STAT1: variants seen among roughly 807,000 people sequenced by gnomAD.
The protein encoded by STAT1 is signal transducer and activator of transcription 1-alpha/beta.
A neutral mutation model predicts 111.7 loss-of-function variants in STAT1; 24 were observed. The observed-to-expected ratio is 0.21, with a 90% CI of 0.16 to 0.30. STAT1 has a LOEUF of 0.30. Among genes scored for constraint, STAT1 ranks in the 10% least tolerant of loss-of-function variants. The pLI is 1.00. For synonymous variants in STAT1, 332 were observed against 326.5 expected, an observed-to-expected ratio of 1.02 and a Z score of -0.18; for missense variants, 351 against 911.9, an observed-to-expected ratio of 0.38 and a Z score of 7.92.
At chr2:191,011,295 C>T (rs1345691844) in intron 2 of STAT1, among the ~76,000 whole-genome samples, 2 of 152,128 alleles carry the variant, frequency 1.3e-5, no homozygotes, top group African/African-American at 4.8e-5. Flanking sequence ...TGTCTCCCTC[C>T]CTGCTTGGTA....
intron 10 of STAT1, among the ~76,000 whole-genome samples, chr2:190,994,023 T>C (rs762448486): frequency 5.3e-5 from 8 of 151,618 alleles, no homozygotes; most frequent in Non-Finnish European, 7.4e-5. Flanking sequence ...GAACGAAGGG[T>C]GACTGTAGGC....
Position 190,981,436 on chromosome 2 carries a change from T to C in STAT1, c.1583-767A>G, listed in dbSNP as rs1185438343. ...AGCCCGGGGTTATTAGCTACACAAATTAAAGCAGCCTGGGCGAGAAGAGGC... is the reference window on the plus strand; with the variant it reads ...AGCCCGGGGTTATTAGCTACACAAACTAAAGCAGCCTGGGCGAGAAGAGGC... On this transcript the variant is annotated intron_variant, in intron 18 of 24. Transcript: ENST00000361099. The surrounding 1 kb of genome is among the most constrained non-coding windows in gnomAD (Gnocchi z 4.1). Among the ~76,000 whole-genome samples, 1 of 152,184 alleles carries C rather than the reference T, an allele frequency of 6.6e-6. No individual in the cohort carries two copies. The highest frequency in any genetic ancestry group is 1.5e-5 in the Non-Finnish European group (1 of 68,034).
In STAT1 at chr2:190,995,366, ATTGACAC is replaced by A; in HGVS notation, c.786-154_786-148del. ...AGAATTTATAAAGGAAAGAGGTTTA[ATTGACAC>A]ATAGTTCCACATGGCTGAGGAGGCC... On this transcript the variant is annotated intron_variant, in intron 9 of 24. Coordinates refer to ENST00000361099, the MANE Select transcript of STAT1 (RefSeq NM_007315.4). The surrounding 1 kb of genome is among the most constrained non-coding windows in gnomAD (Gnocchi z 4.2). 3.4e-6 allele frequency: 3 copies of A among 871,876 alleles called. No homozygotes were observed. Among genetic ancestry groups the A allele is most frequent in the Non-Finnish European group, 5.6e-6 (3 of 539,138 alleles). 54.0% of individuals were successfully genotyped at this position (871,876 alleles called of 1,614,324 possible). A position where few individuals can be genotyped will look rare whatever the true frequency, so the allele number is the denominator to read the frequency against.
Position 190,990,646 on chromosome 2 carries a change from A to AT in STAT1, c.1037+581dup, listed in dbSNP as rs1693244339. On this transcript the variant is annotated intron_variant, in intron 11 of 24. Coordinates refer to ENST00000361099, the MANE Select transcript of STAT1 (RefSeq NM_007315.4). This position sits in a 1 kb window ranked among gnomAD's most constrained non-coding sequence, Gnocchi z 5.1. ...ATATTTGTGTAGACATGGAATCCTA[A>AT]TTTTTTAAAAAGGAAACATTATGTC... Among the ~76,000 whole-genome samples the AT allele has an allele frequency of 6.6e-6, 1 of 152,058 alleles. No homozygotes were observed. The highest frequency in any genetic ancestry group is 1.5e-5 in the Non-Finnish European group (1 of 67,984).
At chr2:191,010,079 A>G in intron 2 of STAT1, 75 bp from the exon 3 acceptor site, 1 of 1,536,612 alleles carries the variant, frequency 6.5e-7, no homozygotes, top group East Asian at 2.3e-5. Context: ...TCCTAGCATC[A>G]GGTTGTACTC....
At position 190,976,976 on chromosome 2, in the gene STAT1, A is replaced by G; in HGVS notation, c.1923T>C (p.Ala641=). The stretch of plus-strand genomic sequence containing the variant: ...TGCGAATGATGTCAGGGAAAGTAAC[A>G]GCAGAAAGTTCTTTCTTCGTGTAGG... ...VEPYTKKELS[A]VTFPDIIRNY... Residue 641 remains alanine, a synonymous_variant, in exon 22 of 25, where the codon GCT becomes GCC. Transcript: ENST00000361099. The surrounding 1 kb of genome is among the most constrained non-coding windows in gnomAD (Gnocchi z 6.0). 1 of 1,614,230 alleles carries G rather than the reference A, an allele frequency of 6.2e-7. No individual in the cohort carries two copies. The highest frequency in any genetic ancestry group is 8.5e-7 in the Non-Finnish European group (1 of 1,180,038).
chr2:190,983,834 GTAAAT>G lies in STAT1; in HGVS notation c.1348-99_1348-95del, dbSNP rs1256891922. 2 of 1,033,886 alleles carry G rather than the reference GTAAAT, an allele frequency of 1.9e-6. No individual in the cohort carries two copies. Among genetic ancestry groups the G allele is most frequent in the Non-Finnish European group, 3.0e-6 (2 of 663,298 alleles). 64.0% of individuals were successfully genotyped at this position (1,033,886 alleles called of 1,614,324 possible). On this transcript the variant is annotated intron_variant, in intron 16 of 24. Coordinates refer to ENST00000361099, the MANE Select transcript of STAT1 (RefSeq NM_007315.4). This position sits in a 1 kb window ranked among gnomAD's most constrained non-coding sequence, Gnocchi z 5.7. ...CTCAACTAAAAGCAGGGGATTATTT[GTAAAT>G]TTGTACATATTTAATACTTGAAAAT...
At position 190,993,256 on chromosome 2, in the gene STAT1, C is replaced by T; in HGVS notation, c.944+1805G>A. 1 of 601,798 alleles carries T rather than the reference C, an allele frequency of 1.7e-6. No homozygotes were observed. The highest frequency in any genetic ancestry group is 3.1e-5 in the East Asian group (1 of 32,482). The allele number at this position is 601,798 out of a possible 1,614,324, so 37.3% of individuals were successfully genotyped here. A position where few individuals can be genotyped will look rare whatever the true frequency, so the allele number is the denominator to read the frequency against. ...GATAATGATCTATTTTCTGCAGTCA[C>T]TGTTTAATATTATTGAAGGACTCCT... On this transcript the variant is annotated intron_variant, in intron 10 of 24. Coordinates refer to ENST00000361099, the MANE Select transcript of STAT1 (RefSeq NM_007315.4). The surrounding 1 kb of genome is among the most constrained non-coding windows in gnomAD (Gnocchi z 4.1).
rs1030662844 is a variant in STAT1 at position 190,979,635 on chromosome 2, T to C, written c.1727+137A>G. On this transcript the variant is annotated intron_variant, in intron 20 of 24. Coordinates refer to ENST00000361099, the MANE Select transcript of STAT1 (RefSeq NM_007315.4). This position sits in a 1 kb window ranked among gnomAD's most constrained non-coding sequence, Gnocchi z 5.8. ...ATGAGGTTCTACTCTTCTGAAGCCCTGAAGGGGCAGCCTATAAATGCGCAC... is the reference window on the plus strand; with the variant it reads ...ATGAGGTTCTACTCTTCTGAAGCCCCGAAGGGGCAGCCTATAAATGCGCAC... The C allele has an allele frequency of 1.8e-5, 12 of 659,164 alleles. No homozygotes were observed. In the African/African-American group the frequency reaches 1.8e-4, roughly 10 times the overall value. 40.8% of individuals were successfully genotyped at this position (659,164 alleles called of 1,614,324 possible). A position where few individuals can be genotyped will look rare whatever the true frequency, so the allele number is the denominator to read the frequency against.
In STAT1 at chr2:191,007,662, C is replaced by T; in HGVS notation, c.274-1G>A. 1 of 1,607,762 alleles carries T rather than the reference C, an allele frequency of 6.2e-7. No individual in the cohort carries two copies. The highest frequency in any genetic ancestry group is 8.5e-7 in the Non-Finnish European group (1 of 1,174,824). The stretch of plus-strand genomic sequence containing the variant: ...GGATTGGGTCTTCCTGAAAATTATC[C>T]TAGATTTGAGTGGTTAGAACAAAAA... On this transcript the variant is annotated splice_acceptor_variant, in intron 4 of 24. Coordinates refer to ENST00000361099, the MANE Select transcript of STAT1 (RefSeq NM_007315.4). LOFTEE classifies it high-confidence loss of function. This position sits in a 1 kb window ranked among gnomAD's most constrained non-coding sequence, Gnocchi z 4.2.
chr2:190,988,570 G>C (rs1693053463), intron 12 of STAT1, among the ~76,000 whole-genome samples: 1 of 152,128 alleles, frequency 6.6e-6, no homozygotes, highest in Non-Finnish European at 1.5e-5. Context: ...CGTAGAGACG[G>C]GGTTTCGCCA....
In STAT1 at chr2:191,006,416, T is replaced by A. The variant is rs530475846; in HGVS notation, c.372+1147A>T. 6.4e-4 allele frequency among the ~76,000 whole-genome samples: 97 copies of A among 152,284 alleles called. No homozygotes were observed. Among genetic ancestry groups the A allele is most frequent in the African/African-American group, 1.9e-3 (78 of 41,568 alleles). ...ACATGCTCAGTTCAGCAAGATGCTA[T>A]CAGTGTGACAAGAAGATGGGAACTA... On this transcript the variant is annotated intron_variant, in intron 5 of 24. Transcript: ENST00000361099. This position sits in a 1 kb window ranked among gnomAD's most constrained non-coding sequence, Gnocchi z 4.6.
In STAT1 at chr2:190,975,262, T is replaced by G; in HGVS notation, c.2136-330A>C. ...GATGACAATGCCTCGTGGCTTACCCTGGACAGAAAAGCACCAGAGAAATGT... is the reference window on the plus strand; with the variant it reads ...GATGACAATGCCTCGTGGCTTACCCGGGACAGAAAAGCACCAGAGAAATGT... On this transcript the variant is annotated intron_variant, in intron 23 of 24. Transcript: ENST00000361099. The surrounding 1 kb of genome is among the most constrained non-coding windows in gnomAD (Gnocchi z 5.9). 2.1e-6 allele frequency: 1 copy of G among 467,806 alleles called. No individual in the cohort carries two copies. Among genetic ancestry groups the G allele is most frequent in the South Asian group, 1.6e-5 (1 of 60,824 alleles). 29.0% of individuals were successfully genotyped at this position (467,806 alleles called of 1,614,324 possible). A position where few individuals can be genotyped will look rare whatever the true frequency, so the allele number is the denominator to read the frequency against.
At position 190,986,385 on chromosome 2, in the gene STAT1, T is replaced by C. The variant is rs1157627039; in HGVS notation, c.1221+469A>G. ...TCTCCACTGCCTGGGGAATGAGCCC[T>C]ACTGCCCTGGAGAAAAGGTGGTAGA... On this transcript the variant is annotated intron_variant, in intron 14 of 24. Transcript: ENST00000361099. The surrounding 1 kb of genome is among the most constrained non-coding windows in gnomAD (Gnocchi z 5.0). 6.6e-6 allele frequency among the ~76,000 whole-genome samples: 1 copy of C among 152,106 alleles called. No homozygotes were observed. Among genetic ancestry groups the C allele is most frequent in the Non-Finnish European group, 1.5e-5 (1 of 68,002 alleles).
Position 190,971,511 on chromosome 2 carries a change from G to T in STAT1, c.2239-794C>A, listed in dbSNP as rs577965122. Among the ~76,000 whole-genome samples the T allele has an allele frequency of 2.0e-5, 3 of 152,202 alleles. No individual in the cohort carries two copies. Among genetic ancestry groups the T allele is most frequent in the East Asian group, 3.9e-4 (2 of 5,164 alleles). Reference sequence around the variant, plus strand: ...CCAATCCCCAACAAATAATTCTGAAGCCCCGAATACCAGTAGCACCAAGAC... The same window carrying T: ...CCAATCCCCAACAAATAATTCTGAATCCCCGAATACCAGTAGCACCAAGAC... On this transcript the variant is annotated intron_variant, in intron 24 of 24. Coordinates refer to ENST00000361099, the MANE Select transcript of STAT1 (RefSeq NM_007315.4). This position sits in a 1 kb window ranked among gnomAD's most constrained non-coding sequence, Gnocchi z 4.1.
rs900160511 is a variant in STAT1, at chr2:190,969,642, A to G, written c.*1061T>C. ...TGAAAAACACATATATCAGCGAAAC[A>G]TATGCAGTTCTCAATGCAGTTACAT... On this transcript the variant is annotated 3_prime_UTR_variant, in exon 25 of 25. Transcript: ENST00000361099. 1 of 152,216 alleles carries G rather than the reference A, an allele frequency of 6.6e-6. No individual in the cohort carries two copies. Among genetic ancestry groups the G allele is most frequent in the Non-Finnish European group, 1.5e-5 (1 of 68,020 alleles). 9.4% of individuals were successfully genotyped at this position (152,216 alleles called of 1,614,324 possible). A position where few individuals can be genotyped will look rare whatever the true frequency, so the allele number is the denominator to read the frequency against.
In STAT1 at chr2:190,976,079, G is replaced by T. The variant is rs1486731158; in HGVS notation, c.2060-192C>A. On this transcript the variant is annotated intron_variant, in intron 22 of 24. Transcript: ENST00000361099. This position sits in a 1 kb window ranked among gnomAD's most constrained non-coding sequence, Gnocchi z 6.0. The stretch of plus-strand genomic sequence containing the variant: ...GGAATGCAGAAACAACGAGAAGAAG[G>T]ATCTGAATTCAGTCTGGAAATAAGC... Among the ~76,000 whole-genome samples, 1 of 152,188 alleles carries T rather than the reference G, an allele frequency of 6.6e-6. No individual in the cohort carries two copies. The highest frequency in any genetic ancestry group is 1.5e-5 in the Non-Finnish European group (1 of 68,034).
In STAT1 at chr2:190,983,662, T is replaced by C; in HGVS notation, c.1426A>G (p.Met476Val). ...CATACCCTGGGTTCCGCCACCAGCA[T>C]GTTGTACCAAAGGATGGAGGCCCAA... The part of the protein sequence containing the change: ...SGWASILWYN[M>V]LVAEPRNLSF... Residue 476 changes from methionine to valine, a missense_variant, in exon 17 of 25, where the codon ATG becomes GTG. This residue lies in a region of STAT1 where 181 missense variants were observed against 426.1 expected (regional missense o/e 0.42). Transcript: ENST00000361099. This position sits in a 1 kb window ranked among gnomAD's most constrained non-coding sequence, Gnocchi z 5.7. 2 of 1,614,160 alleles carry C rather than the reference T, an allele frequency of 1.2e-6. No homozygotes were observed. Among genetic ancestry groups the C allele is most frequent in the East Asian group, 2.2e-5 (1 of 44,882 alleles).
At position 190,970,384 on chromosome 2, in the gene STAT1, T is replaced by C. The variant is rs1691360323; in HGVS notation, c.*319A>G. On this transcript the variant is annotated 3_prime_UTR_variant, in exon 25 of 25. Coordinates refer to ENST00000361099, the MANE Select transcript of STAT1 (RefSeq NM_007315.4). This position sits in a 1 kb window ranked among gnomAD's most constrained non-coding sequence, Gnocchi z 5.4. Reference sequence around the variant, plus strand: ...CTTTATGCATAACATTTGCTAGATGTTGCTTAACTTCTCCTTTCCCAAAGG... The same window carrying C: ...CTTTATGCATAACATTTGCTAGATGCTGCTTAACTTCTCCTTTCCCAAAGG... The C allele has an allele frequency of 2.3e-6, 1 of 435,484 alleles. No individual in the cohort carries two copies. Among genetic ancestry groups the C allele is most frequent in the Non-Finnish European group, 4.3e-6 (1 of 233,460 alleles). 27.0% of individuals were successfully genotyped at this position (435,484 alleles called of 1,614,324 possible). A position where few individuals can be genotyped will look rare whatever the true frequency, so the allele number is the denominator to read the frequency against.
Sources: allele counts gnomAD v4.1 joint callset (sites outside exome capture counted in the v4.1 genomes callset), GRCh38; gene constraint gnomAD v4.1.1; regional missense constraint gnomAD v4.1.1; non-coding constraint Gnocchi (gnomAD v3.1); transcripts MANE v1.5; gene names NCBI Gene and HGNC (gene_info 2026-07-23, HGNC 2026-07-21).